Variants in GLP1R observed in about 807,000 individuals in gnomAD.
GLP1R encodes the protein glucagon like peptide 1 receptor, also known as glucagon-like peptide 1 receptor.
In GLP1R, 32 loss-of-function variants were observed where a neutral mutation model predicts 68.4. The observed-to-expected ratio is 0.47, with a 90% CI of 0.35 to 0.63. The LOEUF is 0.63. Ranked by LOEUF, GLP1R falls within the 20% of genes least tolerant of loss-of-function variation. GLP1R has a pLI of 0.00. For missense variants in GLP1R, 502 were observed against 594.9 expected (o/e 0.84, Z 1.62); for synonymous variants, 263 against 244.4 (o/e 1.08, Z -0.71).
At chr6:39,050,857 G>A (rs184745894) in intron 1 of GLP1R, among the ~76,000 whole-genome samples, 1 of 152,288 alleles carries the variant, frequency 6.6e-6, no homozygotes, top group East Asian at 1.9e-4. Context: ...TTCAGGAGCA[G>A]GGAAGAGAAA....
rs144529257 is a variant in GLP1R at position 39,080,164 on chromosome 6, A to T, written c.1182+462A>T. ...ATTAGATGATGCTAAGGGGGTGTAA[A>T]AATACAAAAAAACTGGTCCCTGCCT... is the stretch of plus-strand genomic sequence containing the variant. On this transcript the variant is annotated intron_variant, in intron 11 of 12. Coordinates refer to ENST00000373256, the MANE Select transcript of GLP1R (RefSeq NM_002062.5). 2.5e-5 allele frequency among the ~76,000 whole-genome samples: 3 copies of T among 122,006 alleles called. No homozygotes were observed. In the East Asian group the frequency reaches 7.3e-4, roughly 30 times the overall value. The allele number at this position is 122,006 out of a possible 152,430, so 80.0% of individuals were successfully genotyped here.
chr6:39,057,013 T>A (rs1768229791), intron 2 of GLP1R, among the ~76,000 whole-genome samples: 1 of 152,226 alleles, frequency 6.6e-6, no homozygotes, highest in South Asian at 2.1e-4. Flanking sequence ...TGGAGCCCGC[T>A]GGGCCTAGGT....
chr6:39,071,877 T>G (rs1175438542), intron 5 of GLP1R, among the ~76,000 whole-genome samples: 1 of 152,232 alleles, frequency 6.6e-6, no homozygotes, highest in Non-Finnish European at 1.5e-5. Context: ...GTAGCGAGTC[T>G]TTCTATCTGT....
In GLP1R at chr6:39,086,192, C is replaced by A; in HGVS notation, c.*119C>A. On this transcript the variant is annotated 3_prime_UTR_variant, in exon 13 of 13. Coordinates refer to ENST00000373256, the MANE Select transcript of GLP1R (RefSeq NM_002062.5). The surrounding 1 kb of genome is among the most constrained non-coding windows in gnomAD (Gnocchi z 4.5). ...ACACACACACACACACACACACACA[C>A]ACACACACACACATACATCCTGCTT... 1.4e-6 allele frequency: 1 copy of A among 712,034 alleles called. No homozygotes were observed. Among genetic ancestry groups the A allele is most frequent in the South Asian group, 1.8e-5 (1 of 54,056 alleles). 44.1% of individuals were successfully genotyped at this position (712,034 alleles called of 1,614,324 possible).
chr6:39,066,377 CA>C, intron 5 of GLP1R, 74 bp downstream of exon 5: 1 of 786,834 alleles, frequency 1.3e-6, no homozygotes, highest in Non-Finnish European at 2.2e-6. Flanking sequence ...AGCAGCCCAA[CA>C]CCAAATCAAA....
In GLP1R at chr6:39,066,229, CAT is replaced by C; in HGVS notation, c.436_437del (p.Ile146HisfsTer60). On this transcript the variant is annotated frameshift_variant, in exon 5 of 13. Coordinates refer to ENST00000373256, the MANE Select transcript of GLP1R (RefSeq NM_002062.5). LOFTEE classifies it high-confidence loss of function. ...CGGAGGAGCAGCTCCTGTTCCTCTA[CAT>C]CATCTACACGGTGGGCTACGCACTC... Reference protein sequence around the residue: ...SPEEQLLFLYIIYTVGYALSF... With the variant: ...SPEEQLLFLYXIYTVGYALSF... 1 of 1,612,196 alleles carries C rather than the reference CAT, an allele frequency of 6.2e-7. No individual in the cohort carries two copies. The highest frequency in any genetic ancestry group is 1.7e-5 in the Admixed American group (1 of 60,024).
At chr6:39,082,863 C>T (rs769485244) in intron 12 of GLP1R, among the ~76,000 whole-genome samples, 11 of 152,116 alleles carry the variant, frequency 7.2e-5, no homozygotes, top group South Asian at 2.1e-4. Context: ...CCCACGTCCC[C>T]GTTTCTCACT....
At chr6:39,072,137 T>A (rs1163693717) in intron 5 of GLP1R, among the ~76,000 whole-genome samples, 3 of 152,234 alleles carry the variant, frequency 2.0e-5, no homozygotes, top group African/African-American at 7.2e-5. Context: ...GTCCATAGAT[T>A]TCTTGAATTT....
At chr6:39,050,907 C>CA (rs1192380285) in intron 1 of GLP1R, among the ~76,000 whole-genome samples, 1 of 152,098 alleles carries the variant, frequency 6.6e-6, no homozygotes, top group African/African-American at 2.4e-5. Flanking sequence ...ACCTCCTACT[C>CA]AGACGGGACT....
chr6:39,048,971 T>G (rs1768025826), intron 1 of GLP1R, 53 bp downstream of exon 1: 1 of 738,528 alleles, frequency 1.4e-6, no homozygotes, highest in African/African-American at 1.9e-5. Flanking sequence ...CTCTGCGGGC[T>G]GCAGGCGCAG....
rs1057382646 is a variant in GLP1R, at chr6:39,091,168, TA to T, written c.*5098del. 3.9e-5 allele frequency among the ~76,000 whole-genome samples: 6 copies of T among 152,198 alleles called. No homozygotes were observed. Among genetic ancestry groups the T allele is most frequent in the Non-Finnish European group, 8.8e-5 (6 of 68,034 alleles). ...CATTTCCAGGTGATTTCTTAACATA[TA>T]AATTCCTGCAAAATAGGACCAGCTT... On this transcript the variant is annotated 3_prime_UTR_variant, in exon 13 of 13. Coordinates refer to ENST00000373256, the MANE Select transcript of GLP1R (RefSeq NM_002062.5).
At chr6:39,073,281 G>A (rs1210799377) in intron 6 of GLP1R, among the ~76,000 whole-genome samples, 1 of 152,180 alleles carries the variant, frequency 6.6e-6, no homozygotes, top group East Asian at 1.9e-4. Flanking sequence ...GTAGTCTTTG[G>A]AGACACACTT....
intron 1 of GLP1R, among the ~76,000 whole-genome samples, chr6:39,055,351 C>G (rs1021106867): frequency 6.6e-6 from 1 of 152,198 alleles, no homozygotes; most frequent in Non-Finnish European, 1.5e-5. Context: ...GTCATTTCAG[C>G]ATCTGCAGCC....
At chr6:39,067,065 A>C (rs1768538199) in intron 5 of GLP1R, among the ~76,000 whole-genome samples, 1 of 152,144 alleles carries the variant, frequency 6.6e-6, no homozygotes, top group African/African-American at 2.4e-5. Flanking sequence ...TCATGCACAC[A>C]CCATCCAGCC....
rs923077338 is a variant in GLP1R at position 39,090,567 on chromosome 6, G to C, written c.*4494G>C. Among the ~76,000 whole-genome samples the C allele has an allele frequency of 6.6e-6, 1 of 152,086 alleles. No individual in the cohort carries two copies. Among genetic ancestry groups the C allele is most frequent in the Admixed American group, 6.5e-5 (1 of 15,282 alleles). ...GCAGCTGAGAGTGAGGTGCTGTCAG[G>C]GCTGAAAAGGACGCACCTCATTCTA... On this transcript the variant is annotated 3_prime_UTR_variant, in exon 13 of 13. Coordinates refer to ENST00000373256, the MANE Select transcript of GLP1R (RefSeq NM_002062.5).
intron 12 of GLP1R, 34 bp from the exon 13 acceptor site, chr6:39,085,872 G>GCC: frequency 1.9e-6 from 3 of 1,608,976 alleles, no homozygotes; most frequent in Non-Finnish European, 2.6e-6. Context: ...TGGTTTGCAT[G>GCC]ATGGCTTTCG....
chr6:39,059,896 T>C (rs1768314782), intron 3 of GLP1R, among the ~76,000 whole-genome samples: 1 of 152,208 alleles, frequency 6.6e-6, no homozygotes, highest in African/African-American at 2.4e-5. Flanking sequence ...AAATAGGTCC[T>C]GGTGGTGCCC....
intron 3 of GLP1R, among the ~76,000 whole-genome samples, chr6:39,059,188 G>A (rs1169728845): frequency 6.6e-6 from 1 of 152,202 alleles, no homozygotes; most frequent in Non-Finnish European, 1.5e-5. Context: ...ACTGCCTGTT[G>A]GAAGCACTTT....
intron 5 of GLP1R, among the ~76,000 whole-genome samples, chr6:39,066,537 C>A (rs9296279): frequency 6.6e-6 from 1 of 151,832 alleles, no homozygotes; most frequent in Admixed American, 6.6e-5. Context: ...CAAAAAAGAA[C>A]AAAAATACCA....
Sources: allele counts gnomAD v4.1 joint callset (sites outside exome capture counted in the v4.1 genomes callset), GRCh38; gene constraint gnomAD v4.1.1; non-coding constraint Gnocchi (gnomAD v3.1); transcripts MANE v1.5; gene names NCBI Gene and HGNC (gene_info 2026-07-23, HGNC 2026-07-21).